Variants in PTPN14 observed in about 807,000 individuals in gnomAD.
The protein encoded by PTPN14 is protein tyrosine phosphatase non-receptor type 14.
PTPN14 carries 53 observed loss-of-function variants against 126.8 expected under a neutral mutation model. The observed-to-expected ratio is 0.42, with a 90% confidence interval of 0.34 to 0.53. PTPN14 has a LOEUF of 0.53. PTPN14 is among the 20% of genes least tolerant of loss of function. PTPN14 has a pLI of 0.08. For synonymous variants in PTPN14, 630 were observed against 599.3 expected (o/e 1.05, Z -0.75); for missense variants, 1,257 against 1,552.9 (o/e 0.81, Z 3.20).
At chr1:214,516,764 G>A (rs546076666) in intron 1 of PTPN14, among the ~76,000 whole-genome samples, 1 of 152,110 alleles carries the variant, frequency 6.6e-6, no homozygotes, top group African/African-American at 2.4e-5. Flanking sequence ...AACTCAGAGA[G>A]GCAGGCAGGT....
intron 3 of PTPN14, among the ~76,000 whole-genome samples, chr1:214,434,752 G>A (rs1659874842): frequency 6.6e-6 from 1 of 152,170 alleles, no homozygotes; most frequent in Non-Finnish European, 1.5e-5. Context: ...AGAACCGAGA[G>A]CAGAATAGGG....
intron 1 of PTPN14, among the ~76,000 whole-genome samples, chr1:214,538,354 CTTCT>C (rs1655758399): frequency 6.6e-6 from 1 of 152,184 alleles, no homozygotes; most frequent in African/African-American, 2.4e-5. Context: ...GAGCAAATAA[CTTCT>C]TTAATTCTCA....
intron 3 of PTPN14, among the ~76,000 whole-genome samples, chr1:214,430,623 G>A (rs1659777712): frequency 6.6e-6 from 1 of 152,146 alleles, no homozygotes; most frequent in Non-Finnish European, 1.5e-5. Flanking sequence ...TCTTCCCTGG[G>A]TCTCCAGCCT....
At chr1:214,431,189 T>C (rs937392939) in intron 3 of PTPN14, among the ~76,000 whole-genome samples, 1 of 152,214 alleles carries the variant, frequency 6.6e-6, no homozygotes, top group South Asian at 2.1e-4. Context: ...ATGCTTCAAA[T>C]GCCTCTGGAT....
intron 1 of PTPN14, among the ~76,000 whole-genome samples, chr1:214,525,885 T>C (rs11802340): frequency 1.6e-4 from 24 of 151,894 alleles, no homozygotes; most frequent in African/African-American, 5.8e-4. Context: ...AAAATGGACT[T>C]GGCCCGTTAC....
intron 1 of PTPN14, among the ~76,000 whole-genome samples, chr1:214,543,445 AATAAG>A: frequency 6.6e-6 from 1 of 152,348 alleles, no homozygotes; most frequent in East Asian, 1.9e-4. Context: ...GAACAAAGAT[AATAAG>A]ATATGTATAA....
chr1:214,546,142 G>C (rs1167163095), intron 1 of PTPN14, among the ~76,000 whole-genome samples: 1 of 152,196 alleles, frequency 6.6e-6, no homozygotes, highest in African/African-American at 2.4e-5. Context: ...TTAGCTCAGT[G>C]CTTCTCAAAA....
At chr1:214,471,101 G>C (rs12035452) in intron 1 of PTPN14, among the ~76,000 whole-genome samples, 2 of 146,050 alleles carry the variant, frequency 1.4e-5, no homozygotes, top group African/African-American at 5.1e-5. Flanking sequence ...TAAAGACTTA[G>C]ACTTTCACCT....
At chr1:214,497,141 TAAAG>T (rs1328554114) in intron 1 of PTPN14, among the ~76,000 whole-genome samples, 1 of 151,198 alleles carries the variant, frequency 6.6e-6, no homozygotes, top group Non-Finnish European at 1.5e-5. Context: ...GGGGAAGAAA[TAAAG>T]AAAGAAAACA....
intron 3 of PTPN14, among the ~76,000 whole-genome samples, 198 bp from the exon 4 acceptor site, chr1:214,414,924 T>C (rs936650629): frequency 2.0e-5 from 3 of 152,206 alleles, no homozygotes; most frequent in Non-Finnish European, 4.4e-5. Flanking sequence ...AGGTGCCACA[T>C]CCTGTTCATT....
intron 7 of PTPN14, 53 bp downstream of exon 7, chr1:214,401,632 A>C: frequency 7.1e-7 from 1 of 1,405,222 alleles, no homozygotes. Context: ...GGTTTTCCAA[A>C]TGCCAGTACC....
At chr1:214,495,914 G>T (rs143941441) in intron 1 of PTPN14, among the ~76,000 whole-genome samples, 1 of 151,928 alleles carries the variant, frequency 6.6e-6, no homozygotes, top group Non-Finnish European at 1.5e-5. Flanking sequence ...GGCTGGTCTC[G>T]AACTCCCGAC....
intron 16 of PTPN14, among the ~76,000 whole-genome samples, chr1:214,371,510 C>T (rs370457608): frequency 3.9e-5 from 6 of 152,172 alleles, no homozygotes; most frequent in Admixed American, 3.9e-4. Flanking sequence ...ATTTCTGCCA[C>T]GGCACTTACT....
intron 1 of PTPN14, among the ~76,000 whole-genome samples, chr1:214,544,780 A>G (rs1369787212): frequency 1.3e-5 from 2 of 151,984 alleles, no homozygotes; most frequent in Non-Finnish European, 2.9e-5. Context: ...AGAAGGGAAC[A>G]GAAGAAAGAG....
At chr1:214,387,672 G>A (rs986600644) in intron 11 of PTPN14, among the ~76,000 whole-genome samples, 10 of 121,496 alleles carry the variant, frequency 8.2e-5, no homozygotes, top group African/African-American at 2.3e-4. Flanking sequence ...GCAAGACTCC[G>A]TCAAAAAAAA....
intron 3 of PTPN14, among the ~76,000 whole-genome samples, chr1:214,441,915 C>G (rs1165775124): frequency 6.6e-6 from 1 of 152,172 alleles, no homozygotes; most frequent in Non-Finnish European, 1.5e-5. Flanking sequence ...TAATCTTTCT[C>G]AGTCCTGCAA....
intron 1 of PTPN14, among the ~76,000 whole-genome samples, chr1:214,518,858 T>C (rs570422559): frequency 6.6e-6 from 1 of 152,312 alleles, no homozygotes; most frequent in South Asian, 2.1e-4. Context: ...TAAATAAATG[T>C]TAGTTTGAGG....
intron 1 of PTPN14, among the ~76,000 whole-genome samples, chr1:214,536,514 G>A (rs1041318685): frequency 5.3e-5 from 8 of 152,086 alleles, no homozygotes; most frequent in Admixed American, 1.3e-4. Flanking sequence ...GCTGGGCATG[G>A]TGGCTCACAC....
In PTPN14 at chr1:214,514,358, G is replaced by T. The variant is rs901010938; in HGVS notation, c.-155+36825C>A. 3.9e-5 allele frequency among the ~76,000 whole-genome samples: 6 copies of T among 152,152 alleles called. No individual in the cohort carries two copies. The South Asian group carries it at 1.2e-3, about 31-fold the overall frequency. On this transcript the variant is annotated intron_variant, in intron 1 of 18. Transcript: ENST00000366956. ...TGCCGCATGTATGGGTCCTACTGAT[G>T]CATAAGAATTGCTCTGGGCCACTCA... is the stretch of plus-strand genomic sequence containing the variant.
Sources: gnomAD v4.1 joint callset for allele counts (sites outside exome capture counted in the v4.1 genomes callset) on GRCh38, gnomAD v4.1.1 for gene constraint, MANE v1.5 for transcripts, NCBI Gene and HGNC (gene_info 2026-07-23, HGNC 2026-07-21) for gene names.